The following PDE7B variants were observed in gnomAD, a reference collection of about 807,000 sequenced individuals.
The protein encoded by PDE7B is phosphodiesterase 7B.
In PDE7B, 29 loss-of-function variants were observed where a neutral mutation model predicts 56.2. The ratio of observed to expected loss-of-function variants is 0.52; its 90% CI spans 0.38 to 0.70. PDE7B has a LOEUF of 0.70. Ranked by LOEUF, PDE7B falls within the 30% of genes least tolerant of loss-of-function variation. PDE7B has a pLI of 0.00. For missense variants in PDE7B, 490 were observed against 565.0 expected (o/e 0.87, Z 1.35); for synonymous variants, 197 against 196.9 (o/e 1.00, Z 0.00).
rs1775944777 is a variant in PDE7B at position 136,014,597 on chromosome 6, A to G, written c.82+67073A>G. 2.0e-5 allele frequency among the ~76,000 whole-genome samples: 3 copies of G among 152,160 alleles called. No individual in the cohort carries two copies. The South Asian group carries it at 6.2e-4, about 31-fold the overall frequency. On this transcript the variant is annotated intron_variant, in intron 2 of 12. Transcript: ENST00000308191. ...GTTCTCTATTCATTAGTTTTAAAGC[A>G]CCTCTATGACATGACATAGGTGGCA... is the stretch of plus-strand genomic sequence containing the variant.
chr6:135,927,038 C>CTAT (rs1157305644), intron 1 of PDE7B, among the ~76,000 whole-genome samples: 13 of 152,322 alleles, frequency 8.5e-5, no homozygotes, highest in African/African-American at 3.1e-4. Flanking sequence ...ATTCATCTAA[C>CTAT]ATACTTGTTA....
chr6:135,927,515 T>A (rs990548840), intron 1 of PDE7B, among the ~76,000 whole-genome samples: 17 of 152,202 alleles, frequency 1.1e-4, no homozygotes, highest in Non-Finnish European at 4.4e-5. Context: ...TTCCTGTCCG[T>A]GGGTATGGAA....
intron 12 of PDE7B, among the ~76,000 whole-genome samples, chr6:136,190,905 G>T (rs957413235): frequency 1.3e-5 from 2 of 151,860 alleles, no homozygotes; most frequent in Non-Finnish European, 2.9e-5. Context: ...ATCCCACAGG[G>T]TAAGGGTATG....
At chr6:135,995,157 C>T (rs1470843106) in intron 2 of PDE7B, among the ~76,000 whole-genome samples, 2 of 152,162 alleles carry the variant, frequency 1.3e-5, no homozygotes, top group African/African-American at 2.4e-5. Flanking sequence ...ATCCTACAGG[C>T]CTCCAGGCCC....
intron 9 of PDE7B, 95 bp downstream of exon 9, chr6:136,173,983 G>A: frequency 2.4e-6 from 2 of 834,878 alleles, no homozygotes; most frequent in Non-Finnish European, 2.0e-6. Flanking sequence ...GTGAATGGCA[G>A]AGAGCCCCCC....
intron 1 of PDE7B, among the ~76,000 whole-genome samples, chr6:135,916,776 A>C (rs1014361548): frequency 1.3e-5 from 2 of 151,904 alleles, no homozygotes; most frequent in African/African-American, 4.8e-5. Flanking sequence ...TATATTCTAC[A>C]TACAATTTCA....
At chr6:136,177,239 G>T (rs1161448093) in intron 9 of PDE7B, among the ~76,000 whole-genome samples, 1 of 152,020 alleles carries the variant, frequency 6.6e-6, no homozygotes, top group Non-Finnish European at 1.5e-5. Flanking sequence ...GAGATGGGAG[G>T]ATCACTTGAG....
At chr6:136,110,081 C>T (rs1777716805) in intron 3 of PDE7B, among the ~76,000 whole-genome samples, 1 of 152,138 alleles carries the variant, frequency 6.6e-6, no homozygotes, top group East Asian at 1.9e-4. Flanking sequence ...TTTCTCCTGG[C>T]TTGTTAATCT....
At chr6:136,095,988 C>T (rs558876785) in intron 2 of PDE7B, 1 of 152,362 alleles carries the variant, frequency 6.6e-6, no homozygotes, top group South Asian at 2.1e-4. Flanking sequence ...TCAATCACTT[C>T]CCTACCAAGT....
intron 1 of PDE7B, among the ~76,000 whole-genome samples, chr6:135,921,195 A>G (rs191383949): frequency 5.8e-4 from 88 of 152,252 alleles, no homozygotes; most frequent in Middle Eastern, 6.8e-3. Flanking sequence ...CCAACTTACC[A>G]TCACTTGTCT....
chr6:136,077,116 AG>A (rs1322008119), intron 2 of PDE7B, among the ~76,000 whole-genome samples: 1 of 146,542 alleles, frequency 6.8e-6, no homozygotes, highest in African/African-American at 2.5e-5. Context: ...GTGGGAAGAG[AG>A]GGAGGGATAG....
At chr6:136,001,004 TCC>T in intron 2 of PDE7B, among the ~76,000 whole-genome samples, 1 of 152,242 alleles carries the variant, frequency 6.6e-6, no homozygotes, top group African/African-American at 2.4e-5. Context: ...AGACAAAACT[TCC>T]AGAGGAACAA....
At chr6:136,150,620 G>A (rs1778494355) in intron 5 of PDE7B, among the ~76,000 whole-genome samples, 1 of 152,122 alleles carries the variant, frequency 6.6e-6, no homozygotes, top group Admixed American at 6.5e-5. Context: ...AGTATTTCTT[G>A]AATGCTTACA....
chr6:135,869,966 A>G (rs1025564875), intron 1 of PDE7B, among the ~76,000 whole-genome samples: 22 of 152,152 alleles, frequency 1.4e-4, no homozygotes, highest in Non-Finnish European at 3.1e-4. Flanking sequence ...GCGTGGTGGA[A>G]ATTGTACTCT....
At chr6:136,139,001 G>A (rs1393063116) in intron 3 of PDE7B, among the ~76,000 whole-genome samples, 3 of 152,050 alleles carry the variant, frequency 2.0e-5, no homozygotes, top group African/African-American at 7.2e-5. Context: ...TAAGTTTTAG[G>A]GTACATGTGC....
chr6:136,015,711 G>A (rs772813248), intron 2 of PDE7B, among the ~76,000 whole-genome samples: 2 of 151,782 alleles, frequency 1.3e-5, no homozygotes, highest in African/African-American at 4.8e-5. Context: ...CTTGATTCCC[G>A]GATTCCTTCC....
chr6:136,065,600 G>A (rs914574486), intron 2 of PDE7B, among the ~76,000 whole-genome samples: 1 of 152,030 alleles, frequency 6.6e-6, no homozygotes, highest in African/African-American at 2.4e-5. Flanking sequence ...CATATACCCT[G>A]AAGCCATACA....
chr6:136,061,797 G>C (rs928546349), intron 2 of PDE7B, among the ~76,000 whole-genome samples: 4 of 152,218 alleles, frequency 2.6e-5, no homozygotes, highest in Non-Finnish European at 5.9e-5. Context: ...TGCAAGTGGA[G>C]ATTGAGAATG....
chr6:136,133,745 G>C (rs1458840500), intron 3 of PDE7B, among the ~76,000 whole-genome samples: 5 of 152,298 alleles, frequency 3.3e-5, no homozygotes, highest in Admixed American at 2.0e-4. Context: ...AGTGAGCTAA[G>C]TTACTGCAAT....
Sources: gnomAD v4.1 joint callset for allele counts (sites outside exome capture counted in the v4.1 genomes callset) on GRCh38, gnomAD v4.1.1 for gene constraint, MANE v1.5 for transcripts, NCBI Gene and HGNC (gene_info 2026-07-23, HGNC 2026-07-21) for gene names.